PCDH15: variants seen among roughly 807,000 people sequenced by gnomAD.
The protein encoded by PCDH15 is protocadherin-15.
A neutral mutation model predicts 178.5 loss-of-function variants in PCDH15; 129 were observed. The observed-to-expected ratio is 0.72, with a 90% CI of 0.63 to 0.84. The LOEUF is 0.84. PCDH15 is among the 40% of genes least tolerant of loss of function. The pLI is 0.00. For missense variants in PCDH15, 2,230 were observed against 2,099.9 expected (o/e 1.06, Z -1.21); for synonymous variants, 800 against 732.0 (o/e 1.09, Z -1.50).
chr10:54,911,519 C>A (rs965984447), intron 2 of PCDH15, among the ~76,000 whole-genome samples: 1 of 152,078 alleles, frequency 6.6e-6, no homozygotes, highest in African/African-American at 2.4e-5. Flanking sequence ...AGCACAGTAC[C>A]TAGAGAAACA....
At chr10:53,950,220 A>G (rs1320949941) in intron 23 of PCDH15, among the ~76,000 whole-genome samples, 1 of 152,004 alleles carries the variant, frequency 6.6e-6, no homozygotes, top group Admixed American at 6.5e-5. Flanking sequence ...GACTTATAGT[A>G]TATTCTCTGA....
intron 2 of PCDH15, among the ~76,000 whole-genome samples, chr10:54,960,881 A>G (rs1188739513): frequency 2.6e-5 from 4 of 152,218 alleles, no homozygotes; most frequent in Admixed American, 1.3e-4. Flanking sequence ...ATTCCAGAAT[A>G]ACAGATTCTG....
intron 1 of PCDH15, among the ~76,000 whole-genome samples, chr10:55,173,238 G>C (rs1317919164): frequency 1.3e-5 from 2 of 151,140 alleles, no homozygotes; most frequent in Non-Finnish European, 2.9e-5. Flanking sequence ...TAAGGACTTA[G>C]AGAACTATTT....
At chr10:53,810,489 A>T in intron 37 of PCDH15, 67 bp downstream of exon 37, 1 of 1,370,586 alleles carries the variant, frequency 7.3e-7, no homozygotes, top group Non-Finnish European at 1.0e-6. Flanking sequence ...TACAGCCGCT[A>T]GTCACGTAGG....
intron 2 of PCDH15, among the ~76,000 whole-genome samples, chr10:55,620,854 G>A (rs1212201561): frequency 6.6e-6 from 1 of 151,338 alleles, no homozygotes; most frequent in Non-Finnish European, 1.5e-5. Flanking sequence ...CAACTCAAAT[G>A]ATATCAGCTC....
At chr10:54,559,603 A>AT (rs1171833083) in intron 2 of PCDH15, among the ~76,000 whole-genome samples, 2 of 151,766 alleles carry the variant, frequency 1.3e-5, no homozygotes, top group Non-Finnish European at 2.9e-5. Context: ...ATATGATTGA[A>AT]TTTTTTTTCT....
At chr10:54,723,638 A>G (rs1942021208) in intron 1 of PCDH15, among the ~76,000 whole-genome samples, 2 of 151,864 alleles carry the variant, frequency 1.3e-5, no homozygotes, top group African/African-American at 2.4e-5. Flanking sequence ...AATATTTTCA[A>G]ATCATGCTTC....
At chr10:54,463,630 A>C (rs1327384218) in intron 3 of PCDH15, among the ~76,000 whole-genome samples, 1 of 152,070 alleles carries the variant, frequency 6.6e-6, no homozygotes, top group African/African-American at 2.4e-5. Context: ...AGAGGTATAA[A>C]CACTTCTACC....
At chr10:54,971,144 G>T (rs1838920299) in intron 2 of PCDH15, among the ~76,000 whole-genome samples, 1 of 152,050 alleles carries the variant, frequency 6.6e-6, no homozygotes, top group Non-Finnish European at 1.5e-5. Context: ...AAATTTTGGG[G>T]GTCAAGAGGT....
intron 1 of PCDH15, among the ~76,000 whole-genome samples, chr10:54,700,040 T>C (rs1045066251): frequency 4.6e-5 from 7 of 152,066 alleles, no homozygotes; most frequent in Admixed American, 6.6e-5. Context: ...GGGGCTAAAC[T>C]AACAAAGCTA....
At chr10:54,283,616 A>G (rs1314969430) in intron 8 of PCDH15, among the ~76,000 whole-genome samples, 1 of 152,160 alleles carries the variant, frequency 6.6e-6, no homozygotes, top group African/African-American at 2.4e-5. Flanking sequence ...TAAGCAAAAT[A>G]TTGACTAATA....
chr10:53,914,698 G>C (rs987003999), intron 25 of PCDH15, among the ~76,000 whole-genome samples: 20 of 152,120 alleles, frequency 1.3e-4, no homozygotes, highest in African/African-American at 4.8e-4. Flanking sequence ...AACCAACATG[G>C]CACATGTATA....
chr10:54,215,824 G>A lies in PCDH15; in HGVS notation c.986-1776C>T, dbSNP rs138090192. ...TGGGAGGCCGAGACGGGCGGATCAC[G>A]AGGTCAGGAGATCCAGACCATCTTG... On this transcript the variant is annotated intron_variant, in intron 9 of 37. Transcript: ENST00000644397. 6.5e-3 allele frequency among the ~76,000 whole-genome samples: 981 copies of A among 150,630 alleles called. 16 individuals carry two copies. Among genetic ancestry groups the A allele is most frequent in the African/African-American group, 0.023 (947 of 41,036 alleles).
At chr10:55,359,747 T>TATAC (rs1491280747) in intron 2 of PCDH15, among the ~76,000 whole-genome samples, 177 of 81,644 alleles carry the variant, frequency 2.2e-3, no homozygotes, top group Middle Eastern at 5.6e-3. Context: ...TATATATATA[T>TATAC]ACACACACAC....
intron 2 of PCDH15, among the ~76,000 whole-genome samples, chr10:55,419,228 T>G (rs563389879): frequency 6.6e-6 from 1 of 151,744 alleles, no homozygotes; most frequent in African/African-American, 2.4e-5. Context: ...GTAGAAACTG[T>G]TGAAGGACCA....
At chr10:55,152,317 T>C (rs1838749830) in intron 2 of PCDH15, among the ~76,000 whole-genome samples, 1 of 151,690 alleles carries the variant, frequency 6.6e-6, no homozygotes, top group Non-Finnish European at 1.5e-5. Flanking sequence ...ACATAATAGG[T>C]CCGTATAGGT....
intron 1 of PCDH15, among the ~76,000 whole-genome samples, chr10:54,798,049 T>C (rs1448048638): frequency 6.6e-6 from 1 of 152,100 alleles, no homozygotes; most frequent in East Asian, 1.9e-4. Context: ...TCTCGGTTCT[T>C]GTCACCATTT....
intron 5 of PCDH15, among the ~76,000 whole-genome samples, chr10:54,361,842 T>G (rs755350349): frequency 6.6e-6 from 1 of 152,238 alleles, no homozygotes; most frequent in South Asian, 2.1e-4. Flanking sequence ...ATTTTCTCTA[T>G]GTACTCAAGC....
At chr10:55,023,105 T>C (rs11004680) in intron 2 of PCDH15, among the ~76,000 whole-genome samples, 86,551 of 151,826 alleles carry the variant, frequency 0.57, 25,031 homozygotes, top group East Asian at 0.75. Flanking sequence ...CCACGCCCGG[T>C]GAAGTTTTTG....
Sources: gnomAD v4.1 joint callset for allele counts (sites outside exome capture counted in the v4.1 genomes callset) on GRCh38, gnomAD v4.1.1 for gene constraint, MANE v1.5 for transcripts, NCBI Gene and HGNC (gene_info 2026-07-23, HGNC 2026-07-21) for gene names.